The following CASZ1 variants were observed in gnomAD, a reference collection of about 807,000 sequenced individuals.
The protein encoded by CASZ1 is zinc finger protein castor homolog 1.
In CASZ1, 28 loss-of-function variants were observed where a neutral mutation model predicts 135.2. The observed-to-expected ratio is 0.21, with a 90% CI of 0.15 to 0.28. The LOEUF is 0.28. CASZ1 is among the 10% of genes least tolerant of loss of function. CASZ1 has a pLI of 1.00. For missense variants in CASZ1, 2,161 were observed against 2,453.3 expected, an observed-to-expected ratio of 0.88 and a Z score of 2.52; for synonymous variants, 1,068 against 1,073.4, an observed-to-expected ratio of 0.99 and a Z score of 0.10.
intron 4 of CASZ1, among the ~76,000 whole-genome samples, chr1:10,678,370 C>G (rs1005838803): frequency 6.6e-6 from 1 of 151,946 alleles, no homozygotes; most frequent in Non-Finnish European, 1.5e-5. Context: ...ATCCTATATT[C>G]CCTAAACCCT....
At chr1:10,787,069 T>C (rs1275361892) in intron 1 of CASZ1, among the ~76,000 whole-genome samples, 1 of 152,202 alleles carries the variant, frequency 6.6e-6, no homozygotes, top group Non-Finnish European at 1.5e-5. Flanking sequence ...TTACGTTTAA[T>C]TACTTTAAAA....
At position 10,757,616 on chromosome 1, in the gene CASZ1, C is replaced by T. The variant is rs1026182034; in HGVS notation, c.-77+3085G>A. Reference sequence around the variant, plus strand: ...CAGCCTGGCCAACATGGTGAAACCCCGTCTCTACTAAAAACACTAAAATTA... The same window carrying T: ...CAGCCTGGCCAACATGGTGAAACCCTGTCTCTACTAAAAACACTAAAATTA... On this transcript the variant is annotated intron_variant, in intron 2 of 20. Transcript: ENST00000377022. This position sits in a 1 kb window ranked among gnomAD's most constrained non-coding sequence, Gnocchi z 4.6. Among the ~76,000 whole-genome samples the T allele has an allele frequency of 1.9e-4, 29 of 152,044 alleles. No homozygotes were observed. The highest frequency in any genetic ancestry group is 1.5e-3 in the Admixed American group (23 of 15,264).
intron 6 of CASZ1, among the ~76,000 whole-genome samples, 155 bp downstream of exon 6, chr1:10,659,547 G>A (rs1283294251): frequency 6.6e-6 from 1 of 152,216 alleles, no homozygotes; most frequent in Non-Finnish European, 1.5e-5. Flanking sequence ...GCATGGATGG[G>A]AGCCTGAGTG....
In CASZ1 at chr1:10,776,667, T is replaced by C. The variant is rs534635759; in HGVS notation, c.-233-15810A>G. Among the ~76,000 whole-genome samples the C allele has an allele frequency of 1.3e-4, 20 of 152,214 alleles. No individual in the cohort carries two copies. The highest frequency in any genetic ancestry group is 4.6e-4 in the African/African-American group (19 of 41,498). On this transcript the variant is annotated intron_variant, in intron 1 of 20. Coordinates refer to ENST00000377022, the MANE Select transcript of CASZ1 (RefSeq NM_001079843.3). This position sits in a 1 kb window ranked among gnomAD's most constrained non-coding sequence, Gnocchi z 4.1. ...CCTGGGAGTCCTGGGGAAACTGGCA[T>C]CTCTGGTTTGACAGGTTGTGGGAGA...
chr1:10,782,757 G>C (rs1640785461), intron 1 of CASZ1, among the ~76,000 whole-genome samples: 1 of 152,106 alleles, frequency 6.6e-6, no homozygotes, highest in Non-Finnish European at 1.5e-5. Context: ...AGTGGGCCTG[G>C]TCACCTGGGG....
At chr1:10,674,691 G>A (rs1193358090) in intron 4 of CASZ1, among the ~76,000 whole-genome samples, 1 of 152,206 alleles carries the variant, frequency 6.6e-6, no homozygotes, top group Non-Finnish European at 1.5e-5. Context: ...CCTCGGAGCC[G>A]GGAGCACTGC....
chr1:10,681,345 G>A (rs1638414294), intron 4 of CASZ1, among the ~76,000 whole-genome samples: 1 of 152,068 alleles, frequency 6.6e-6, no homozygotes, highest in South Asian at 2.1e-4. Context: ...AGATCAAAGG[G>A]CACAGCCCAG....
At chr1:10,722,602 A>C (rs141463785) in intron 2 of CASZ1, among the ~76,000 whole-genome samples, 316 of 152,366 alleles carry the variant, frequency 2.1e-3, no homozygotes, top group African/African-American at 7.4e-3. Flanking sequence ...CTGGGAGCCC[A>C]AGTGGGCAAG....
intron 20 of CASZ1, among the ~76,000 whole-genome samples, chr1:10,640,610 C>T (rs2124664623): frequency 1.3e-5 from 2 of 152,338 alleles, no homozygotes; most frequent in South Asian, 4.1e-4. Context: ...ACTCCCTGCC[C>T]TAAGGAGCAC....
chr1:10,686,541 G>A (rs987161118), intron 4 of CASZ1, among the ~76,000 whole-genome samples: 11 of 152,294 alleles, frequency 7.2e-5, no homozygotes, highest in Middle Eastern at 3.4e-3. Flanking sequence ...CGGGCCTCTG[G>A]AAGACAAGGC....
At chr1:10,681,511 A>G (rs1638420474) in intron 4 of CASZ1, among the ~76,000 whole-genome samples, 1 of 152,028 alleles carries the variant, frequency 6.6e-6, no homozygotes, top group African/African-American at 2.4e-5. Flanking sequence ...CCCAGCTGAC[A>G]TTTCACTTTC....
rs530132813 is a variant in CASZ1 at position 10,638,911 on chromosome 1, A to AGGCCGC, written c.*25_*30dup. ...GGCGCCGCTCCCGAGGCCGAGGCCG[A>AGGCCGC]GGCCGCCGCCAGGGCCACCCGCGGG... is the stretch of plus-strand genomic sequence containing the variant. On this transcript the variant is annotated 3_prime_UTR_variant, in exon 21 of 21. Transcript: ENST00000377022. This position sits in a 1 kb window ranked among gnomAD's most constrained non-coding sequence, Gnocchi z 5.9. 44,605 of 948,280 alleles carry AGGCCGC rather than the reference A, an allele frequency of 0.047. 1,444 individuals are homozygous for AGGCCGC. Among genetic ancestry groups the AGGCCGC allele is most frequent in the African/African-American group, 0.14 (8,006 of 56,032 alleles). The allele number at this position is 948,280 out of a possible 1,614,324, so 58.7% of individuals were successfully genotyped here.
chr1:10,668,701 G>C (rs77790582), intron 4 of CASZ1, among the ~76,000 whole-genome samples: 10 of 152,236 alleles, frequency 6.6e-5, no homozygotes, highest in Admixed American at 2.0e-4. Context: ...GGGAGCTCAC[G>C]GCGGAGCTCT....
intron 4 of CASZ1, among the ~76,000 whole-genome samples, chr1:10,682,658 C>A (rs1165555353): frequency 6.6e-6 from 1 of 152,234 alleles, no homozygotes; most frequent in Non-Finnish European, 1.5e-5. Context: ...TTAACACCTT[C>A]CCTGCAAGGA....
In CASZ1 at chr1:10,788,232, C is replaced by T. The variant is rs1640893305; in HGVS notation, c.-234+8332G>A. On this transcript the variant is annotated intron_variant, in intron 1 of 20. Coordinates refer to ENST00000377022, the MANE Select transcript of CASZ1 (RefSeq NM_001079843.3). This position sits in a 1 kb window ranked among gnomAD's most constrained non-coding sequence, Gnocchi z 4.1. ...TTGGTGAGGGGCATCGCTACCTGAG[C>T]AGGTGGGGTTCCTCACAGAGCAACC... Among the ~76,000 whole-genome samples the T allele has an allele frequency of 6.6e-6, 1 of 152,156 alleles. No homozygotes were observed. Among genetic ancestry groups the T allele is most frequent in the African/African-American group, 2.4e-5 (1 of 41,452 alleles).
chr1:10,643,386 G>A, intron 18 of CASZ1, 75 bp from the exon 19 acceptor site: 1 of 1,521,920 alleles, frequency 6.6e-7, no homozygotes, highest in Non-Finnish European at 9.0e-7. Context: ...GTTGGGCACT[G>A]TTCTGGGCAT....
At chr1:10,772,879 G>A (rs1050262597) in intron 1 of CASZ1, among the ~76,000 whole-genome samples, 1 of 152,112 alleles carries the variant, frequency 6.6e-6, no homozygotes, top group Non-Finnish European at 1.5e-5. Context: ...CCTCCCCCTC[G>A]CCTCTGACTT....
At chr1:10,672,399 G>A (rs944245432) in intron 4 of CASZ1, among the ~76,000 whole-genome samples, 53 of 151,864 alleles carry the variant, frequency 3.5e-4, no homozygotes, top group Non-Finnish European at 6.8e-4. Context: ...TTCTGGGGCC[G>A]AAAGCCTCGC....
intron 2 of CASZ1, among the ~76,000 whole-genome samples, chr1:10,742,182 T>C (rs958975753): frequency 6.6e-6 from 1 of 152,106 alleles, no homozygotes; most frequent in African/African-American, 2.4e-5. Flanking sequence ...GCCACCCCGG[T>C]GTCCGCTTTT....
Sources: gnomAD v4.1 joint callset for allele counts (sites outside exome capture counted in the v4.1 genomes callset) on GRCh38, gnomAD v4.1.1 for gene constraint, Gnocchi (gnomAD v3.1) non-coding constraint, MANE v1.5 for transcripts, NCBI Gene and HGNC (gene_info 2026-07-23, HGNC 2026-07-21) for gene names.